RORA: variants seen among roughly 807,000 people sequenced by gnomAD.
RORA encodes RAR related orphan receptor A.
Under a neutral mutation model 69.5 loss-of-function variants are expected in RORA, and 7 were observed. The ratio of observed to expected loss-of-function variants is 0.10; its 90% CI spans 0.06 to 0.19. The LOEUF is 0.19. Ranked by LOEUF, RORA falls within the 10% of genes least tolerant of loss-of-function variation. RORA has a pLI of 1.00. For missense variants in RORA, 457 were observed against 663.0 expected (o/e 0.69, Z 3.41); for synonymous variants, 261 against 240.8 (o/e 1.08, Z -0.78).
chr15:61,061,837 T>C lies in RORA; in HGVS notation c.166+167216A>G, dbSNP rs1337047842. The stretch of plus-strand genomic sequence containing the variant: ...CAGCACTTTGGGAGGCCAAGGCAGG[T>C]GGATCACTTGAGGTCAGGAGTTCGA... On this transcript the variant is annotated intron_variant, in intron 1 of 10. Transcript: ENST00000335670. The surrounding 1 kb of genome is among the most constrained non-coding windows in gnomAD (Gnocchi z 4.4). Among the ~76,000 whole-genome samples, 2 of 151,940 alleles carry C rather than the reference T, an allele frequency of 1.3e-5. No individual in the cohort carries two copies. The highest frequency in any genetic ancestry group is 2.9e-5 in the Non-Finnish European group (2 of 67,990).
intron 1 of RORA, among the ~76,000 whole-genome samples, chr15:60,927,257 G>C (rs1182564491): frequency 6.6e-6 from 1 of 152,144 alleles, no homozygotes; most frequent in Non-Finnish European, 1.5e-5. Context: ...ATTCTACAAA[G>C]TGAGAGTCCT....
intron 1 of RORA, among the ~76,000 whole-genome samples, chr15:60,833,723 G>A (rs2073078845): frequency 6.6e-6 from 1 of 152,126 alleles, no homozygotes; most frequent in African/African-American, 2.4e-5. Flanking sequence ...TCTTTGTACT[G>A]TCTTTTTCAT....
intron 1 of RORA, among the ~76,000 whole-genome samples, chr15:60,719,863 G>A (rs552726272): frequency 9.9e-5 from 15 of 152,156 alleles, no homozygotes; most frequent in Non-Finnish European, 1.9e-4. Flanking sequence ...TGGGGGTGGA[G>A]GTTCACAGGT....
chr15:60,509,992 A>G (rs918296803), intron 5 of RORA, among the ~76,000 whole-genome samples: 1 of 152,186 alleles, frequency 6.6e-6, no homozygotes, highest in Non-Finnish European at 1.5e-5. Context: ...AGAACATTCA[A>G]TTTGTTCTAT....
chr15:60,498,238 C>G (rs2065223111), intron 10 of RORA, among the ~76,000 whole-genome samples: 1 of 152,124 alleles, frequency 6.6e-6, no homozygotes, highest in African/African-American at 2.4e-5. Context: ...TTCTTCTACT[C>G]CAAGATGCCT....
chr15:60,750,751 A>T (rs1156237349), intron 1 of RORA, among the ~76,000 whole-genome samples: 1 of 152,226 alleles, frequency 6.6e-6, no homozygotes, highest in East Asian at 1.9e-4. Context: ...TTCACTTAAA[A>T]AATATTTGTA....
intron 1 of RORA, among the ~76,000 whole-genome samples, chr15:61,198,278 T>C (rs2079862862): frequency 6.6e-6 from 1 of 152,206 alleles, no homozygotes; most frequent in African/African-American, 2.4e-5. Flanking sequence ...AGAGTGGGTC[T>C]GGCTCGTGTA....
chr15:60,924,148 C>T, intron 1 of RORA, among the ~76,000 whole-genome samples: 1 of 152,086 alleles, frequency 6.6e-6, no homozygotes, highest in Non-Finnish European at 1.5e-5. Context: ...AAGAAAAGAA[C>T]TCTGACTTTC....
At chr15:60,780,332 G>T (rs927023277) in intron 1 of RORA, among the ~76,000 whole-genome samples, 1 of 152,174 alleles carries the variant, frequency 6.6e-6, no homozygotes, top group Non-Finnish European at 1.5e-5. Context: ...CACATGGACT[G>T]GTGATGTGCA....
intron 1 of RORA, among the ~76,000 whole-genome samples, chr15:60,907,240 G>A (rs1258587040): frequency 9.8e-5 from 15 of 152,310 alleles, no homozygotes; most frequent in African/African-American, 3.4e-4. Flanking sequence ...AGAAGAGTAT[G>A]GAAGAAGAGG....
chr15:60,945,845 C>G (rs980146628), intron 1 of RORA, among the ~76,000 whole-genome samples: 3 of 152,224 alleles, frequency 2.0e-5, no homozygotes, highest in Non-Finnish European at 2.9e-5. Context: ...GAGCCAGAAG[C>G]AAGCTAACCT....
At chr15:61,111,352 G>A (rs990133492) in intron 1 of RORA, among the ~76,000 whole-genome samples, 2 of 152,206 alleles carry the variant, frequency 1.3e-5, no homozygotes, top group African/African-American at 4.8e-5. Context: ...TTTACCACAA[G>A]TCTGGGAATT....
Position 60,627,254 on chromosome 15 carries a change from CTG to C in RORA, c.196+51401_196+51402del, listed in dbSNP as rs778461032. The C allele has an allele frequency of 3.0e-5, 49 of 1,614,070 alleles. No homozygotes were observed. Among genetic ancestry groups the C allele is most frequent in the Non-Finnish European group, 3.9e-5 (46 of 1,180,026 alleles). On this transcript the variant is annotated intron_variant, in intron 2 of 10. Transcript: ENST00000335670. Reference sequence around the variant, plus strand: ...GGCTCTTACCTTCTGGCTCCTTCACCTGCAGGTGTGGGTGTGGCAGACATTCT... The same window carrying C: ...GGCTCTTACCTTCTGGCTCCTTCACCCAGGTGTGGGTGTGGCAGACATTCT...
Position 60,493,056 on chromosome 15 carries a change from G to C in RORA, c.*4399C>G, listed in dbSNP as rs1428102502. The C allele has an allele frequency of 2.0e-5, 3 of 152,236 alleles. No individual in the cohort carries two copies. In the East Asian group the frequency reaches 5.8e-4, roughly 29 times the overall value. 9.4% of individuals were successfully genotyped at this position (152,236 alleles called of 1,614,324 possible). A position where few individuals can be genotyped will look rare whatever the true frequency, so the allele number is the denominator to read the frequency against. ...ATAGGGCTTCTATCGTTGATACCAA[G>C]ATGGATTGTCATTCACAGTAAGTCA... is the stretch of plus-strand genomic sequence containing the variant. On this transcript the variant is annotated 3_prime_UTR_variant, in exon 11 of 11. Coordinates refer to ENST00000335670, the MANE Select transcript of RORA (RefSeq NM_134261.3).
chr15:60,590,399 C>T (rs1040746426), intron 2 of RORA, among the ~76,000 whole-genome samples: 2 of 152,172 alleles, frequency 1.3e-5, no homozygotes, highest in Non-Finnish European at 2.9e-5. Flanking sequence ...AAGCAAAAGC[C>T]TATGTACTAG....
At chr15:61,040,161 T>TAA (rs1313168903) in intron 1 of RORA, among the ~76,000 whole-genome samples, 1 of 116,630 alleles carries the variant, frequency 8.6e-6, no homozygotes, top group East Asian at 2.5e-4. Context: ...TATATATATA[T>TAA]ATAAAATATA....
In RORA at chr15:60,505,750, C is replaced by G. The variant is rs900217537; in HGVS notation, c.821-121G>C. Reference sequence around the variant, plus strand: ...AATGTGCTGTGCGAGTTTTGACTGTCTTTACACATTTAAACAAGTAATTTG... The same window carrying G: ...AATGTGCTGTGCGAGTTTTGACTGTGTTTACACATTTAAACAAGTAATTTG... On this transcript the variant is annotated intron_variant, in intron 5 of 10. Transcript: ENST00000335670. 19 of 1,124,670 alleles carry G rather than the reference C, an allele frequency of 1.7e-5. No individual in the cohort carries two copies. In the African/African-American group the frequency reaches 2.5e-4, roughly 15 times the overall value. 69.7% of individuals were successfully genotyped at this position (1,124,670 alleles called of 1,614,324 possible).
chr15:60,568,188 G>A (rs148115622), intron 2 of RORA, among the ~76,000 whole-genome samples: 366 of 152,318 alleles, frequency 2.4e-3, no homozygotes, highest in Middle Eastern at 0.024. Flanking sequence ...TGCTCTGCTG[G>A]AAAATGGATA....
At chr15:60,619,371 T>C (rs1567127610) in intron 2 of RORA, among the ~76,000 whole-genome samples, 2 of 152,214 alleles carry the variant, frequency 1.3e-5, no homozygotes, top group African/African-American at 4.8e-5. Flanking sequence ...TTTGAACAAT[T>C]TGGGGACAAA....
Sources: gnomAD v4.1 joint callset for allele counts (sites outside exome capture counted in the v4.1 genomes callset) on GRCh38, gnomAD v4.1.1 for gene constraint, Gnocchi (gnomAD v3.1) non-coding constraint, MANE v1.5 for transcripts, NCBI Gene and HGNC (gene_info 2026-07-23, HGNC 2026-07-21) for gene names.